CDK8: variants seen among roughly 807,000 people sequenced by gnomAD.
CDK8 encodes cyclin-dependent kinase 8.
CDK8 carries 29 observed loss-of-function variants against 71.5 expected under a neutral mutation model. The ratio of observed to expected loss-of-function variants is 0.41; its 90% CI spans 0.30 to 0.55. The LOEUF (loss-of-function observed/expected upper bound fraction) is 0.55. CDK8 is among the 20% of genes least tolerant of loss of function. CDK8 has a pLI of 0.37. For synonymous variants in CDK8, 161 were observed against 192.1 expected (o/e 0.84, Z 1.34); for missense variants, 288 against 572.6 (o/e 0.50, Z 5.07).
At chr13:26,354,356 A>G (rs557452425) in intron 4 of CDK8, among the ~76,000 whole-genome samples, 1 of 152,354 alleles carries the variant, frequency 6.6e-6, no homozygotes, top group East Asian at 1.9e-4. Context: ...TAATTGAAGT[A>G]TATTATTAGA....
At chr13:26,358,088 G>A (rs1873971916) in intron 4 of CDK8, among the ~76,000 whole-genome samples, 1 of 151,828 alleles carries the variant, frequency 6.6e-6, no homozygotes, top group Admixed American at 6.6e-5. Flanking sequence ...GAGGTCAGGA[G>A]ATTGAGACCA....
intron 4 of CDK8, among the ~76,000 whole-genome samples, chr13:26,379,905 A>T (rs1360455929): frequency 1.3e-5 from 2 of 152,148 alleles, no homozygotes. Flanking sequence ...TTTGTGTATT[A>T]CTTCTGTCAT....
At chr13:26,263,834 T>C (rs1210436529) in intron 1 of CDK8, among the ~76,000 whole-genome samples, 4 of 145,538 alleles carry the variant, frequency 2.7e-5, no homozygotes, top group Non-Finnish European at 4.5e-5. Context: ...GCTAGCTCCG[T>C]CTCCTGGGTT....
At chr13:26,283,110 G>A (rs1240061732) in intron 1 of CDK8, among the ~76,000 whole-genome samples, 1 of 152,132 alleles carries the variant, frequency 6.6e-6, no homozygotes, top group Non-Finnish European at 1.5e-5. Flanking sequence ...ATAATAGTGG[G>A]GGATTCTAAT....
intron 1 of CDK8, among the ~76,000 whole-genome samples, chr13:26,255,599 TGTC>T (rs1871489039): frequency 6.6e-6 from 1 of 152,238 alleles, no homozygotes; most frequent in Non-Finnish European, 1.5e-5. Flanking sequence ...AGTAGATGAA[TGTC>T]TTGTAATATT....
chr13:26,374,335 T>G lies in CDK8; in HGVS notation c.457-8479T>G, dbSNP rs143447619. 6.8e-3 allele frequency among the ~76,000 whole-genome samples: 1,040 copies of G among 152,296 alleles called. 8 individuals carry two copies. The highest frequency in any genetic ancestry group is 0.034 in the Middle Eastern group (10 of 294). On this transcript the variant is annotated intron_variant, in intron 4 of 12. Transcript: ENST00000381527. ...AGAATTTTCTTGCTTTAATTAAATT[T>G]TTGTTATTATTACTTGTATATTAAA...
intron 6 of CDK8, among the ~76,000 whole-genome samples, chr13:26,391,816 C>T (rs1437369522): frequency 6.6e-6 from 1 of 152,076 alleles, no homozygotes; most frequent in Non-Finnish European, 1.5e-5. Flanking sequence ...TTGCTGCAGT[C>T]AGTGTGAATC....
chr13:26,358,985 C>A, intron 4 of CDK8: 1 of 270,464 alleles, frequency 3.7e-6, no homozygotes, highest in Non-Finnish European at 7.5e-6. Flanking sequence ...TGTGATTGTG[C>A]CACTGCACTT....
In CDK8 at chr13:26,349,060, T is replaced by G. The variant is rs781495645; in HGVS notation, c.205-12T>G. 5.3e-6 allele frequency: 8 copies of G among 1,495,488 alleles called. No homozygotes were observed. The East Asian group carries it at 1.4e-4, about 25-fold the overall frequency. 92.6% of individuals were successfully genotyped at this position (1,495,488 alleles called of 1,614,324 possible). Reference sequence around the variant, plus strand: ...TGACAGAAATAGTTAATGCATCTCCTTTGTTTTGCAGTTACTTCGAGAGCT... The same window carrying G: ...TGACAGAAATAGTTAATGCATCTCCGTTGTTTTGCAGTTACTTCGAGAGCT... On this transcript the variant is annotated splice_polypyrimidine_tract_variant and intron_variant, in intron 2 of 12. Coordinates refer to ENST00000381527, the MANE Select transcript of CDK8 (RefSeq NM_001260.3).
chr13:26,269,761 A>T (rs1438319123), intron 1 of CDK8, among the ~76,000 whole-genome samples: 1 of 152,178 alleles, frequency 6.6e-6, no homozygotes, highest in African/African-American at 2.4e-5. Flanking sequence ...GTGGTTTTCA[A>T]ATGAGAATGT....
chr13:26,304,503 C>A (rs951540592), intron 1 of CDK8, among the ~76,000 whole-genome samples: 3 of 151,966 alleles, frequency 2.0e-5, no homozygotes, highest in African/African-American at 7.2e-5. Context: ...ATTCTTGCTA[C>A]TCCTTTAGTG....
intron 1 of CDK8, among the ~76,000 whole-genome samples, chr13:26,272,443 A>C (rs9581613): frequency 0.11 from 16,485 of 152,224 alleles, 2,643 homozygotes; most frequent in African/African-American, 0.35. Flanking sequence ...GGAAGGTCTG[A>C]GGGGTAGTGC....
intron 2 of CDK8, among the ~76,000 whole-genome samples, chr13:26,347,023 G>T (rs965710150): frequency 1.5e-4 from 23 of 152,130 alleles, no homozygotes; most frequent in Admixed American, 5.2e-4. Context: ...GTTGAAACCT[G>T]TTTTAACTGA....
At chr13:26,381,762 T>A (rs1284067273) in intron 4 of CDK8, among the ~76,000 whole-genome samples, 2 of 152,106 alleles carry the variant, frequency 1.3e-5, no homozygotes, top group Non-Finnish European at 2.9e-5. Flanking sequence ...ACCTTTTTTT[T>A]TTTGGCTGGG....
intron 1 of CDK8, among the ~76,000 whole-genome samples, chr13:26,274,658 C>T (rs1331073395): frequency 6.6e-6 from 1 of 152,072 alleles, no homozygotes; most frequent in Non-Finnish European, 1.5e-5. Context: ...GTCTCATTCT[C>T]CTGACCTCGT....
At chr13:26,300,536 A>G (rs1444372112) in intron 1 of CDK8, among the ~76,000 whole-genome samples, 1 of 152,226 alleles carries the variant, frequency 6.6e-6, no homozygotes, top group Admixed American at 6.5e-5. Context: ...GCGGGGGATT[A>G]CTGTATACTT....
chr13:26,390,376 A>G (rs549627354), intron 6 of CDK8, among the ~76,000 whole-genome samples: 1 of 152,214 alleles, frequency 6.6e-6, no homozygotes, highest in Non-Finnish European at 1.5e-5. Flanking sequence ...CCCATCTACT[A>G]CAAACAGATT....
At chr13:26,384,434 G>A (rs1875376934) in intron 5 of CDK8, among the ~76,000 whole-genome samples, 1 of 152,134 alleles carries the variant, frequency 6.6e-6, no homozygotes. Flanking sequence ...AACTGTACAT[G>A]ATACTATTAG....
At chr13:26,326,557 T>G (rs1875026957) in intron 1 of CDK8, among the ~76,000 whole-genome samples, 1 of 152,222 alleles carries the variant, frequency 6.6e-6, no homozygotes, top group African/African-American at 2.4e-5. Context: ...TTTCGTTCCT[T>G]TTGATCCAGA....
Sources: allele counts gnomAD v4.1 joint callset (sites outside exome capture counted in the v4.1 genomes callset), GRCh38; gene constraint gnomAD v4.1.1; transcripts MANE v1.5; gene names NCBI Gene and HGNC (gene_info 2026-07-23, HGNC 2026-07-21).